Variants in SNTG1 observed in about 807,000 individuals in gnomAD.
SNTG1 encodes the protein gamma-1-syntrophin.
Under a neutral mutation model 74.7 loss-of-function variants are expected in SNTG1, and 39 were observed. That is an observed-to-expected ratio of 0.52 (90% CI 0.40 to 0.68). SNTG1 has a LOEUF of 0.68. Ranked by LOEUF, SNTG1 falls within the 30% of genes least tolerant of loss-of-function variation. The pLI is 0.00. For synonymous variants in SNTG1, 254 were observed against 217.1 expected, an observed-to-expected ratio of 1.17 and a Z score of -1.49; for missense variants, 685 against 609.5, an observed-to-expected ratio of 1.12 and a Z score of -1.30.
chr8:50,525,334 A>C (rs926265489), intron 9 of SNTG1, among the ~76,000 whole-genome samples: 1 of 152,220 alleles, frequency 6.6e-6, no homozygotes, highest in East Asian at 1.9e-4. Context: ...TGACAGTTTG[A>C]TAATAATGAG....
chr8:50,141,043 C>T (rs2081640541), intron 1 of SNTG1, among the ~76,000 whole-genome samples: 1 of 152,184 alleles, frequency 6.6e-6, no homozygotes, highest in Non-Finnish European at 1.5e-5. Context: ...CCCACTGGAA[C>T]AGAAACTCTG....
chr8:50,073,234 G>C (rs1017293077), intron 1 of SNTG1, among the ~76,000 whole-genome samples: 42 of 152,266 alleles, frequency 2.8e-4, no homozygotes, highest in Admixed American at 1.6e-3. Flanking sequence ...TAAACCACTT[G>C]TTGTCATTTT....
intron 2 of SNTG1, among the ~76,000 whole-genome samples, chr8:50,282,349 C>T (rs889677400): frequency 6.0e-5 from 9 of 149,288 alleles, no homozygotes; most frequent in South Asian, 2.1e-4. Flanking sequence ...GCCCCTCTCA[C>T]GTTTATTCTC....
At chr8:50,256,982 T>C (rs1271044555) in intron 2 of SNTG1, among the ~76,000 whole-genome samples, 1 of 152,126 alleles carries the variant, frequency 6.6e-6, no homozygotes, top group Non-Finnish European at 1.5e-5. Context: ...TCTGAATAAG[T>C]ATGGCCAAGA....
At chr8:50,074,853 G>A (rs1463797336) in intron 1 of SNTG1, among the ~76,000 whole-genome samples, 1 of 152,112 alleles carries the variant, frequency 6.6e-6, no homozygotes, top group African/African-American at 2.4e-5. Flanking sequence ...GCGAGGGAGT[G>A]GGGAAGGACA....
intron 8 of SNTG1, among the ~76,000 whole-genome samples, chr8:50,498,239 A>AT (rs1173304054): frequency 6.6e-6 from 1 of 151,938 alleles, no homozygotes; most frequent in African/African-American, 2.4e-5. Flanking sequence ...GTCTCTAAGC[A>AT]TTCCAGTTCC....
intron 2 of SNTG1, among the ~76,000 whole-genome samples, chr8:50,177,446 T>A (rs897165306): frequency 2.0e-5 from 3 of 152,178 alleles, no homozygotes; most frequent in Admixed American, 6.5e-5. Flanking sequence ...CCCTCTGTCC[T>A]GGATGCAAAA....
chr8:50,474,106 C>G (rs184803691), intron 8 of SNTG1, among the ~76,000 whole-genome samples: 3 of 151,990 alleles, frequency 2.0e-5, no homozygotes, highest in African/African-American at 7.2e-5. Flanking sequence ...CTGCTGCACA[C>G]TTAAAAATGA....
chr8:50,581,441 C>A (rs1053630508), intron 12 of SNTG1, among the ~76,000 whole-genome samples: 10 of 152,154 alleles, frequency 6.6e-5, no homozygotes, highest in Admixed American at 2.6e-4. Context: ...ACTGATACTT[C>A]AGATGCCTCT....
intron 15 of SNTG1, among the ~76,000 whole-genome samples, chr8:50,701,801 T>TC (rs1463810020): frequency 1.7e-4 from 24 of 142,342 alleles, no homozygotes; most frequent in East Asian, 4.0e-4. Flanking sequence ...CTCCTCCTCC[T>TC]CTTCTTCTTC....
chr8:50,762,120 TC>T (rs36037547), intron 18 of SNTG1, among the ~76,000 whole-genome samples: 10,382 of 151,934 alleles, frequency 0.068, 448 homozygotes, highest in South Asian at 0.2. Context: ...TGAAGAAATT[TC>T]CCCCGTATTT....
intron 3 of SNTG1, among the ~76,000 whole-genome samples, chr8:50,395,411 T>A (rs1031088870): frequency 3.3e-5 from 5 of 152,050 alleles, no homozygotes; most frequent in Non-Finnish European, 5.9e-5. Flanking sequence ...ACATTATTCA[T>A]CTTTTTAACT....
intron 1 of SNTG1, among the ~76,000 whole-genome samples, chr8:50,076,972 AC>A: frequency 6.6e-6 from 1 of 152,326 alleles, no homozygotes; most frequent in South Asian, 2.1e-4. Flanking sequence ...AGTGACACAA[AC>A]TTTTCAATTT....
At chr8:50,489,510 A>G (rs2093830768) in intron 8 of SNTG1, among the ~76,000 whole-genome samples, 3 of 152,146 alleles carry the variant, frequency 2.0e-5, no homozygotes, top group African/African-American at 7.2e-5. Context: ...TTTGATTTGC[A>G]TTTCTCTAAT....
Position 50,276,244 on chromosome 8 carries a change from C to T in SNTG1, c.-28+103609C>T, listed in dbSNP as rs143026920. 3.0e-3 allele frequency among the ~76,000 whole-genome samples: 451 copies of T among 152,146 alleles called. 2 individuals are homozygous for T. The highest frequency in any genetic ancestry group is 0.01 in the African/African-American group (429 of 41,496). ...AGTGAGTCATTGCCACACTACAGAC[C>T]TACAAGCTCTCAACACTCACAACTG... On this transcript the variant is annotated intron_variant, in intron 2 of 18. Coordinates refer to ENST00000642720, the MANE Select transcript of SNTG1 (RefSeq NM_018967.5).
intron 1 of SNTG1, among the ~76,000 whole-genome samples, chr8:49,992,137 T>C (rs1214256255): frequency 6.6e-6 from 1 of 152,208 alleles, no homozygotes; most frequent in Admixed American, 6.5e-5. Flanking sequence ...TTTTTGGAGC[T>C]ATGTAACATA....
At chr8:50,036,381 A>G (rs191880663) in intron 1 of SNTG1, among the ~76,000 whole-genome samples, 13 of 152,270 alleles carry the variant, frequency 8.5e-5, no homozygotes, top group Non-Finnish European at 1.8e-4. Flanking sequence ...CTTAAAACAT[A>G]TTATCTTTCC....
At chr8:49,988,193 G>C (rs4242456) in intron 1 of SNTG1, among the ~76,000 whole-genome samples, 1 of 151,772 alleles carries the variant, frequency 6.6e-6, no homozygotes, top group Non-Finnish European at 1.5e-5. Flanking sequence ...GGGATAAAGG[G>C]GATAAAAATG....
At chr8:49,968,802 C>T (rs1017385835) in intron 1 of SNTG1, among the ~76,000 whole-genome samples, 20 of 152,082 alleles carry the variant, frequency 1.3e-4, no homozygotes, top group Non-Finnish European at 1.9e-4. Flanking sequence ...TATTTACAGG[C>T]GCTGTGTTCC....
Sources: allele counts gnomAD v4.1 joint callset (sites outside exome capture counted in the v4.1 genomes callset), GRCh38; gene constraint gnomAD v4.1.1; transcripts MANE v1.5; gene names NCBI Gene and HGNC (gene_info 2026-07-23, HGNC 2026-07-21).